Variants in PKIB observed in about 807,000 individuals in gnomAD.
PKIB encodes PKI-beta.
PKIB carries 2 observed loss-of-function variants against 4.5 expected under a neutral mutation model. The observed-to-expected ratio is 0.44, with a 90% CI of 0.18 to 1.39. The LOEUF (loss-of-function observed/expected upper bound fraction) is 1.39, where lower values mean the gene tolerates loss of function less well. PKIB is among the 40% of genes most tolerant of loss of function. The pLI is 0.27. For synonymous variants in PKIB, 38 were observed against 36.0 expected (o/e 1.06, Z -0.20); for missense variants, 94 against 92.6 (o/e 1.02, Z -0.06).
chr6:122,529,469 A>T (rs1037167175), intron 2 of PKIB, among the ~76,000 whole-genome samples: 2 of 152,174 alleles, frequency 1.3e-5, no homozygotes, highest in Non-Finnish European at 2.9e-5. Context: ...CAAAATTACA[A>T]TAATACAAGT....
chr6:122,606,900 T>C (rs144796899), upstream of PKIB, among the ~76,000 whole-genome samples: 59 of 151,876 alleles, frequency 3.9e-4, 1 homozygote, highest in East Asian at 0.011. Flanking sequence ...TCCCTGCATC[T>C]CTTGGTCTTC....
intron 3 of PKIB, among the ~76,000 whole-genome samples, chr6:122,698,543 G>T (rs1033926777): frequency 1.3e-5 from 2 of 152,118 alleles, no homozygotes; most frequent in Non-Finnish European, 2.9e-5. Flanking sequence ...ATAGTACAAG[G>T]CCAGGAAAGG....
chr6:122,670,132 TGA>T (rs1471818238), intron 2 of PKIB, among the ~76,000 whole-genome samples: 2 of 151,952 alleles, frequency 1.3e-5, no homozygotes, highest in Non-Finnish European at 2.9e-5. Context: ...AAAAGAGGAA[TGA>T]GAGACCACAT....
intron 2 of PKIB, among the ~76,000 whole-genome samples, chr6:122,653,744 T>C (rs1036501254): frequency 2.6e-5 from 4 of 151,996 alleles, no homozygotes; most frequent in African/African-American, 9.7e-5. Context: ...GCGGATCATT[T>C]GAGGTCAGGA....
chr6:122,575,852 C>T (rs920151504), intron 2 of PKIB, among the ~76,000 whole-genome samples: 11 of 152,200 alleles, frequency 7.2e-5, no homozygotes, highest in African/African-American at 2.4e-4. Context: ...CAGAATTTAC[C>T]ATTAAAGAAC....
intron 3 of PKIB, among the ~76,000 whole-genome samples, chr6:122,688,847 C>G (rs1463783914): frequency 2.0e-5 from 3 of 149,808 alleles, no homozygotes; most frequent in African/African-American, 7.4e-5. Flanking sequence ...GTGGCGCGAT[C>G]TCGGCTCACT....
At chr6:122,670,347 A>G (rs1029164823) in intron 2 of PKIB, among the ~76,000 whole-genome samples, 1 of 151,930 alleles carries the variant, frequency 6.6e-6, no homozygotes, top group African/African-American at 2.4e-5. Context: ...TATTCCCTAC[A>G]CTCGTCTTCC....
intron 2 of PKIB, among the ~76,000 whole-genome samples, chr6:122,524,399 C>T (rs1227885902): frequency 6.6e-6 from 1 of 151,532 alleles, no homozygotes; most frequent in Non-Finnish European, 1.5e-5. Context: ...TTTTCTTCTC[C>T]TTCCTCTTCT....
At chr6:122,518,161 A>G (rs1021277106) in intron 2 of PKIB, among the ~76,000 whole-genome samples, 1 of 152,154 alleles carries the variant, frequency 6.6e-6, no homozygotes, top group Non-Finnish European at 1.5e-5. Context: ...TAATTTTTAC[A>G]TGCTATGAAA....
intron 2 of PKIB, among the ~76,000 whole-genome samples, chr6:122,502,220 G>C (rs554120979): frequency 1.8e-4 from 27 of 151,866 alleles, no homozygotes; most frequent in Non-Finnish European, 3.5e-4. Context: ...TCTGTCTTCT[G>C]AGCTCTCCAT....
intron 2 of PKIB, among the ~76,000 whole-genome samples, chr6:122,574,127 A>G (rs1187890496): frequency 1.3e-5 from 2 of 152,170 alleles, no homozygotes; most frequent in Non-Finnish European, 2.9e-5. Context: ...ACCAACAACA[A>G]TTAGGCTGAG....
chr6:122,602,680 C>T (rs767470713), intron 3 of PKIB, among the ~76,000 whole-genome samples: 4 of 151,874 alleles, frequency 2.6e-5, no homozygotes, highest in Admixed American at 1.3e-4. Flanking sequence ...TTTGAGAGGC[C>T]GAGGCAGGCG....
rs1174076987 is a variant in PKIB at position 122,561,998 on chromosome 6, TTTTTTG to T, written c.-247-23917_-247-23912del. Among the ~76,000 whole-genome samples the T allele has an allele frequency of 5.0e-3, 662 of 132,810 alleles. 13 individuals are homozygous for T. Among genetic ancestry groups the T allele is most frequent in the African/African-American group, 0.02 (611 of 30,942 alleles). 87.1% of individuals were successfully genotyped at this position (132,810 alleles called of 152,430 possible). A position where few individuals can be genotyped will look rare whatever the true frequency, so the allele number is the denominator to read the frequency against. On this transcript the variant is annotated intron_variant, in intron 2 of 6. Transcript: ENST00000392491. ...AGTTTTTTTTTGTTTGTTTTTGTTTTTTTTTGTTTTTTTTTTTTTTTGCTTTTTAAC... is the reference window on the plus strand; with the variant it reads ...AGTTTTTTTTTGTTTGTTTTTGTTTTTTTTTTTTTTTTTTTGCTTTTTAAC...
intron 4 of PKIB, among the ~76,000 whole-genome samples, chr6:122,723,757 C>G (rs1041877263): frequency 1.3e-5 from 2 of 152,198 alleles, no homozygotes; most frequent in African/African-American, 2.4e-5. Context: ...GTCCCCTTCT[C>G]AGTGAGGCAT....
intron 2 of PKIB, among the ~76,000 whole-genome samples, chr6:122,530,500 ATTTG>A (rs1422957439): frequency 1.3e-5 from 2 of 151,868 alleles, no homozygotes; most frequent in Non-Finnish European, 2.9e-5. Context: ...ATGCCTTGTA[ATTTG>A]TTTGTTTGTT....
chr6:122,669,242 A>G (rs1777352007), intron 2 of PKIB, among the ~76,000 whole-genome samples: 1 of 152,160 alleles, frequency 6.6e-6, no homozygotes, highest in Admixed American at 6.5e-5. Flanking sequence ...GGAAATTTAA[A>G]CTAAAGAAAT....
intron 1 of PKIB, among the ~76,000 whole-genome samples, chr6:122,627,246 A>G (rs1775490156): frequency 6.8e-6 from 1 of 147,974 alleles, no homozygotes; most frequent in African/African-American, 2.5e-5. Flanking sequence ...TCCGTCTCCA[A>G]AAAAAAAAAA....
chr6:122,674,034 G>T (rs1335677328), intron 2 of PKIB, among the ~76,000 whole-genome samples: 3 of 152,162 alleles, frequency 2.0e-5, no homozygotes, highest in African/African-American at 7.2e-5. Context: ...AGCCACAGGG[G>T]TGACAGAAAT....
chr6:122,670,745 C>T (rs948463271), intron 2 of PKIB, among the ~76,000 whole-genome samples: 2 of 152,184 alleles, frequency 1.3e-5, no homozygotes, highest in Non-Finnish European at 2.9e-5. Context: ...GGACAGAAAA[C>T]ATCCTCATGA....
Sources: allele counts gnomAD v4.1 joint callset (sites outside exome capture counted in the v4.1 genomes callset), GRCh38; gene constraint gnomAD v4.1.1; transcripts MANE v1.5; gene names NCBI Gene and HGNC (gene_info 2026-07-23, HGNC 2026-07-21).